Variants in ARFGAP2 observed in about 807,000 individuals in gnomAD.
The protein encoded by ARFGAP2 is ADP-ribosylation factor GTPase-activating protein 2.
ARFGAP2 carries 45 observed loss-of-function variants against 71.9 expected under a neutral mutation model. The observed-to-expected ratio is 0.63, with a 90% confidence interval of 0.49 to 0.80. The LOEUF is 0.80. Ranked by LOEUF, ARFGAP2 falls within the 30% of genes least tolerant of loss-of-function variation. ARFGAP2 has a pLI of 0.00. For missense variants in ARFGAP2, 633 were observed against 673.9 expected (o/e 0.94, Z 0.67); for synonymous variants, 248 against 249.2 (o/e 1.00, Z 0.05).
At chr11:47,172,874 TCAGTCTGACAGTCACTCTGCTGGGTTC>T in intron 7 of ARFGAP2, 3 of 937,226 alleles carry the variant, frequency 3.2e-6, no homozygotes, top group South Asian at 2.8e-5. Flanking sequence ...TTCTCATGGA[TCAGTCTGACAGTCACTCTGCTGGGTTC>T]CAGCCCCAAC....
intron 5 of ARFGAP2, 131 bp downstream of exon 5, chr11:47,174,884 G>T: frequency 1.1e-6 from 1 of 933,922 alleles, no homozygotes; most frequent in Non-Finnish European, 1.7e-6. Context: ...AGGAACAGTG[G>T]ACTTCATACG....
At chr11:47,166,667 G>T in intron 13 of ARFGAP2, 68 bp from the exon 14 acceptor site, 1 of 1,601,676 alleles carries the variant, frequency 6.2e-7, no homozygotes, top group Non-Finnish European at 8.5e-7. Flanking sequence ...CACAGGCCAG[G>T]CCCTCCTGGT....
At chr11:47,170,899 T>G (rs1952573911) in intron 10 of ARFGAP2, among the ~76,000 whole-genome samples, 1 of 151,968 alleles carries the variant, frequency 6.6e-6, no homozygotes, top group South Asian at 2.1e-4. Context: ...TGAGCTGAGA[T>G]CACACCATTA....
chr11:47,175,590 A>G, intron 3 of ARFGAP2: 1 of 623,816 alleles, frequency 1.6e-6, no homozygotes, highest in Non-Finnish European at 2.8e-6. Flanking sequence ...CATCCAGGGC[A>G]GGCCCACAAG....
chr11:47,166,628 G>A (rs768179416), intron 13 of ARFGAP2, 29 bp from the exon 14 acceptor site: 15 of 1,608,842 alleles, frequency 9.3e-6, no homozygotes, highest in Non-Finnish European at 2.5e-6. Context: ...CAGGCCTGGG[G>A]ATCTTGGGGC....
chr11:47,176,119 T>C (rs1952806344), intron 2 of ARFGAP2, 196 bp from the exon 3 acceptor site: 2 of 620,834 alleles, frequency 3.2e-6, no homozygotes, highest in South Asian at 1.9e-5. Flanking sequence ...GTACTAATTA[T>C]GTCCCCAGAT....
intron 12 of ARFGAP2, 59 bp from the exon 13 acceptor site, chr11:47,166,945 T>C: frequency 6.3e-7 from 1 of 1,576,638 alleles, no homozygotes. Flanking sequence ...GGAGGCAGAG[T>C]ACAGAGGCCA....
At chr11:47,172,569 G>A (rs889623028) in intron 7 of ARFGAP2, 22 of 1,109,302 alleles carry the variant, frequency 2.0e-5, no homozygotes, top group Middle Eastern at 2.3e-4. Flanking sequence ...CACCAGAGAC[G>A]TCCGAAGCAC....
chr11:47,172,310 T>G lies in ARFGAP2; in HGVS notation c.643A>C (p.Lys215Gln), dbSNP rs368873424. The G allele has an allele frequency of 1.2e-6, 2 of 1,614,176 alleles. No homozygotes were observed. Among genetic ancestry groups the G allele is most frequent in the South Asian group, 1.1e-5 (1 of 91,086 alleles). Residue 215 changes from lysine (K) to glutamine (Q), a missense_variant, in exon 8 of 16, where the codon AAG (lysine) becomes CAG (glutamine). Lys to Gln is a moderately conservative substitution (Grantham distance 53). Coordinates refer to ENST00000524782, the MANE Select transcript of ARFGAP2 (RefSeq NM_032389.6). ...SLELKSSIIG[K>Q]KKPAAAKKGL... ...TTCTTAGCTGCTGCTGGCTTCTTCT[T>G]GCCAATGATGGAGCTTTTCAGTTCT...
intron 10 of ARFGAP2, among the ~76,000 whole-genome samples, chr11:47,169,838 T>A (rs1319864960): frequency 6.6e-6 from 1 of 152,016 alleles, no homozygotes; most frequent in African/African-American, 2.4e-5. Context: ...AATAAATAAA[T>A]AGGGTGAGTT....
At position 47,176,876 on chromosome 11, in the gene ARFGAP2, C is replaced by A. The variant is rs772336380; in HGVS notation, c.-23G>T. 4.3e-5 allele frequency: 69 copies of A among 1,607,634 alleles called. No homozygotes were observed. The highest frequency in any genetic ancestry group is 5.5e-5 in the Non-Finnish European group (65 of 1,177,214). On this transcript the variant is annotated 5_prime_UTR_variant, in exon 1 of 16. Coordinates refer to ENST00000524782, the MANE Select transcript of ARFGAP2 (RefSeq NM_032389.6). Reference sequence around the variant, plus strand: ...CATTTTCTCTCCTTCCCAGACACAACCGCGGCTGACGGGTCCCGCCGCGGG... The same window carrying A: ...CATTTTCTCTCCTTCCCAGACACAAACGCGGCTGACGGGTCCCGCCGCGGG...
At position 47,167,981 on chromosome 11, in the gene ARFGAP2, G is replaced by A. The variant is rs906996300; in HGVS notation, c.1133C>T (p.Ala378Val). The change falls in exon 12 of 16, where the codon GCC becomes GTC. Residue 378 changes from alanine (A) to valine (V), a missense_variant. Ala to Val is a moderately conservative substitution (Grantham distance 64, BLOSUM62 0). Coordinates refer to ENST00000524782, the MANE Select transcript of ARFGAP2 (RefSeq NM_032389.6). ...SFGSRWDTDA[A>V]WGMDRVEEKE... ...CTCCTCTACCCTGTCCATACCCCAG[G>A]CAGCATCTGTATCCCAGCGGGAGCC... is the stretch of plus-strand genomic sequence containing the variant. The A allele has an allele frequency of 6.2e-7, 1 of 1,614,110 alleles. No individual in the cohort carries two copies. Among genetic ancestry groups the A allele is most frequent in the Non-Finnish European group, 8.5e-7 (1 of 1,179,996 alleles).
chr11:47,167,289 A>T (rs1284220190), intron 12 of ARFGAP2, among the ~76,000 whole-genome samples: 1 of 152,152 alleles, frequency 6.6e-6, no homozygotes, highest in Non-Finnish European at 1.5e-5. Flanking sequence ...TGAATAGCAA[A>T]CTGCCCCCTT....
chr11:47,166,165 A>T, intron 15 of ARFGAP2, 103 bp downstream of exon 15: 1 of 1,237,010 alleles, frequency 8.1e-7, no homozygotes, highest in Non-Finnish European at 1.2e-6. Context: ...CCCGGCCGAA[A>T]ATGCTCTTAA....
chr11:47,173,301 G>A (rs765480092), intron 7 of ARFGAP2, 125 bp downstream of exon 7: 4 of 1,136,658 alleles, frequency 3.5e-6, no homozygotes, highest in Non-Finnish European at 5.2e-6. Context: ...CCACTCCAGA[G>A]AATCAGATAG....
rs745925827 is a variant in ARFGAP2 at position 47,168,117 on chromosome 11, C to A, written c.1070+6G>T. 7 of 1,614,176 alleles carry A rather than the reference C, an allele frequency of 4.3e-6. No individual in the cohort carries two copies. Among genetic ancestry groups the A allele is most frequent in the Non-Finnish European group, 5.9e-6 (7 of 1,180,032 alleles). On this transcript the variant is annotated splice_donor_region_variant and intron_variant, in intron 11 of 15. Transcript: ENST00000524782. ...AGCCAAGTTTACAGCTAGAAAACAG[C>A]CTTACTTTGGGGGTCCAGAGGCGAA...
In ARFGAP2 at chr11:47,164,457, A is replaced by C; in HGVS notation, c.*1025T>G. 6.2e-6 allele frequency: 3 copies of C among 484,924 alleles called. No individual in the cohort carries two copies. The highest frequency in any genetic ancestry group is 3.9e-5 in the Admixed American group (1 of 25,884). The allele number at this position is 484,924 out of a possible 1,614,324, so 30.0% of individuals were successfully genotyped here. A position where few individuals can be genotyped will look rare whatever the true frequency, so the allele number is the denominator to read the frequency against. On this transcript the variant is annotated 3_prime_UTR_variant, in exon 16 of 16. Transcript: ENST00000524782. ...GCTTGGGAGCCCAACCTACAACCCA[A>C]AGGTGGGGGCTGGGCTGAGACTGCC...
rs201754050 is a variant in ARFGAP2, at chr11:47,165,514, G to C, written c.1546-12C>G. On this transcript the variant is annotated splice_polypyrimidine_tract_variant and intron_variant, in intron 15 of 15. Transcript: ENST00000524782. ...GAACCGTAGCGATCCTGGGGGCGAGGGGGGAGAAAAAAAAAAAAAAAGTCA... is the reference window on the plus strand; with the variant it reads ...GAACCGTAGCGATCCTGGGGGCGAGCGGGGAGAAAAAAAAAAAAAAAGTCA... The C allele has an allele frequency of 1.8e-5, 28 of 1,534,368 alleles. No homozygotes were observed. Among genetic ancestry groups the C allele is most frequent in the Non-Finnish European group, 2.3e-5 (26 of 1,147,954 alleles).
rs1278365012 is a variant in ARFGAP2, at chr11:47,167,897, A to G, written c.1205+12T>C. 9 of 1,561,584 alleles carry G rather than the reference A, an allele frequency of 5.8e-6. No homozygotes were observed. Among genetic ancestry groups the G allele is most frequent in the Non-Finnish European group, 7.8e-6 (9 of 1,160,840 alleles). ...AAAAAAGAAAGAAAAAAGAAAAAAC[A>G]GCCCACTCTACCTTTCTGAAATAGG... On this transcript the variant is annotated intron_variant, in intron 12 of 15. Coordinates refer to ENST00000524782, the MANE Select transcript of ARFGAP2 (RefSeq NM_032389.6).
Sources: gnomAD v4.1 joint callset for allele counts (sites outside exome capture counted in the v4.1 genomes callset) on GRCh38, gnomAD v4.1.1 for gene constraint, MANE v1.5 for transcripts, NCBI Gene and HGNC (gene_info 2026-07-23, HGNC 2026-07-21) for gene names.